The following UNC5D variants were observed in gnomAD, a reference collection of about 807,000 sequenced individuals.
The protein encoded by UNC5D is unc-5 netrin receptor D, also known as netrin receptor UNC5D.
A neutral mutation model predicts 105.4 loss-of-function variants in UNC5D; 39 were observed. That is an observed-to-expected ratio of 0.37 (90% CI 0.29 to 0.48). UNC5D has a LOEUF of 0.48. Among genes scored for constraint, UNC5D ranks in the 20% least tolerant of loss-of-function variants. UNC5D has a pLI of 0.98. For missense variants in UNC5D, 991 were observed against 1,202.4 expected (o/e 0.82, Z 2.60); for synonymous variants, 452 against 450.4 (o/e 1.00, Z -0.04).
At chr8:35,672,704 C>T (rs1478748676) in intron 4 of UNC5D, among the ~76,000 whole-genome samples, 1 of 152,158 alleles carries the variant, frequency 6.6e-6, no homozygotes, top group Non-Finnish European at 1.5e-5. Flanking sequence ...ATGTTCTTTT[C>T]CTCTGATCAT....
At chr8:35,417,875 A>C (rs1805630309) in intron 1 of UNC5D, among the ~76,000 whole-genome samples, 1 of 152,198 alleles carries the variant, frequency 6.6e-6, no homozygotes, top group South Asian at 2.1e-4. Flanking sequence ...CATATGTAAC[A>C]GTATTAAAAG....
intron 1 of UNC5D, among the ~76,000 whole-genome samples, chr8:35,411,416 G>A (rs1393820749): frequency 6.6e-6 from 1 of 151,980 alleles, no homozygotes; most frequent in East Asian, 1.9e-4. Flanking sequence ...TTCCTAATTT[G>A]AGAGTAGCAG....
intron 11 of UNC5D, among the ~76,000 whole-genome samples, chr8:35,734,782 A>T (rs964831046): frequency 1.4e-4 from 18 of 126,712 alleles, no homozygotes; most frequent in Admixed American, 2.3e-4. Flanking sequence ...CACACTTTAA[A>T]TTTTTTTTTT....
chr8:35,676,203 A>G (rs1825205838), intron 4 of UNC5D, among the ~76,000 whole-genome samples: 1 of 152,146 alleles, frequency 6.6e-6, no homozygotes. Context: ...GCTTTTCCAG[A>G]TTTGTTTATA....
intron 1 of UNC5D, among the ~76,000 whole-genome samples, chr8:35,450,970 TATTTTTG>T (rs1441785402): frequency 1.3e-5 from 2 of 152,096 alleles, no homozygotes; most frequent in Non-Finnish European, 2.9e-5. Flanking sequence ...CAACTTACGA[TATTTTTG>T]ATTTAGGATG....
intron 7 of UNC5D, among the ~76,000 whole-genome samples, chr8:35,700,710 T>G (rs1827132282): frequency 6.6e-6 from 1 of 152,166 alleles, no homozygotes; most frequent in Admixed American, 6.5e-5. Flanking sequence ...ATCAGACTAG[T>G]ACATGGATTT....
chr8:35,282,606 G>C (rs1438786484), intron 1 of UNC5D, among the ~76,000 whole-genome samples: 1 of 151,042 alleles, frequency 6.6e-6, no homozygotes, highest in Non-Finnish European at 1.5e-5. Context: ...CATAAAACTT[G>C]ATTCGGCACC....
intron 16 of UNC5D, among the ~76,000 whole-genome samples, chr8:35,788,754 T>G (rs2131808382): frequency 6.6e-6 from 1 of 151,694 alleles, no homozygotes; most frequent in Non-Finnish European, 1.5e-5. Flanking sequence ...ACATGAAAGT[T>G]AAGTACAAAC....
chr8:35,789,895 AACACACACACACACACAC>A (rs56702865), intron 16 of UNC5D, among the ~76,000 whole-genome samples: 1 of 142,676 alleles, frequency 7.0e-6, no homozygotes, highest in South Asian at 2.3e-4. Context: ...TCAAGAAGAA[AACACACACACACACACAC>A]ACACACACAC....
At chr8:35,649,052 C>A (rs1823246097) in intron 4 of UNC5D, among the ~76,000 whole-genome samples, 1 of 152,080 alleles carries the variant, frequency 6.6e-6, no homozygotes, top group African/African-American at 2.4e-5. Flanking sequence ...TAAGATTTAG[C>A]TTATCTTTGA....
chr8:35,320,807 T>C (rs1020434093), intron 1 of UNC5D, among the ~76,000 whole-genome samples: 4 of 152,134 alleles, frequency 2.6e-5, no homozygotes, highest in Non-Finnish European at 5.9e-5. Flanking sequence ...GTTAACTTTG[T>C]AATGCCCTTG....
intron 2 of UNC5D, among the ~76,000 whole-genome samples, chr8:35,564,471 C>T (rs1172173444): frequency 2.0e-5 from 3 of 152,246 alleles, no homozygotes; most frequent in African/African-American, 2.4e-5. Context: ...AGGAGCTCAT[C>T]GACCGTTTGC....
intron 1 of UNC5D, among the ~76,000 whole-genome samples, chr8:35,379,365 G>A (rs1165623594): frequency 6.6e-6 from 1 of 152,092 alleles, no homozygotes; most frequent in East Asian, 1.9e-4. Flanking sequence ...TTACTAAGTT[G>A]CCACAGCAGC....
At chr8:35,317,949 C>T (rs1410446654) in intron 1 of UNC5D, among the ~76,000 whole-genome samples, 1 of 150,958 alleles carries the variant, frequency 6.6e-6, no homozygotes, top group African/African-American at 2.4e-5. Context: ...GTTCTAGTGA[C>T]TATCTTTTCT....
chr8:35,769,929 C>G (rs999090752), intron 15 of UNC5D, among the ~76,000 whole-genome samples: 4 of 152,160 alleles, frequency 2.6e-5, no homozygotes, highest in Non-Finnish European at 4.4e-5. Flanking sequence ...CACCACTGCA[C>G]TCCAGCCTGG....
intron 1 of UNC5D, among the ~76,000 whole-genome samples, chr8:35,385,641 A>T (rs1323999552): frequency 6.6e-6 from 1 of 151,634 alleles, no homozygotes; most frequent in African/African-American, 2.4e-5. Flanking sequence ...AATTTTTTGT[A>T]TTTTTAATGG....
chr8:35,760,199 T>G (rs1183040292), intron 14 of UNC5D, among the ~76,000 whole-genome samples: 1 of 151,966 alleles, frequency 6.6e-6, no homozygotes, highest in East Asian at 1.9e-4. Flanking sequence ...CCCGTCACCA[T>G]GCCCAGCTAA....
intron 1 of UNC5D, among the ~76,000 whole-genome samples, chr8:35,411,855 G>T (rs1020081147): frequency 6.6e-6 from 1 of 151,910 alleles, no homozygotes; most frequent in African/African-American, 2.4e-5. Flanking sequence ...ATTTTTAAAA[G>T]TGTTCAATAT....
chr8:35,390,061 G>A (rs1563370123), intron 1 of UNC5D, among the ~76,000 whole-genome samples: 1 of 152,208 alleles, frequency 6.6e-6, no homozygotes, highest in Non-Finnish European at 1.5e-5. Context: ...AGCTTCTGGG[G>A]AGGCCTCGGG....
Sources: allele counts gnomAD v4.1 joint callset (sites outside exome capture counted in the v4.1 genomes callset), GRCh38; gene constraint gnomAD v4.1.1; transcripts MANE v1.5; gene names NCBI Gene and HGNC (gene_info 2026-07-23, HGNC 2026-07-21).